NLRC5: variants seen among roughly 807,000 people sequenced by gnomAD.
The protein encoded by NLRC5 is protein NLRC5.
A neutral mutation model predicts 206.9 loss-of-function variants in NLRC5; 114 were observed. The observed-to-expected ratio is 0.55, with a 90% CI of 0.47 to 0.64. The LOEUF (loss-of-function observed/expected upper bound fraction) is 0.64, where lower values mean the gene tolerates loss of function less well. Ranked by LOEUF, NLRC5 falls within the 30% of genes least tolerant of loss-of-function variation. NLRC5 has a pLI of 0.00. For missense variants in NLRC5, 2,008 were observed against 2,305.5 expected (o/e 0.87, Z 2.64); for synonymous variants, 952 against 962.8 (o/e 0.99, Z 0.21).
At chr16:57,037,081 G>A (rs1339129368) in intron 14 of NLRC5, 114 bp from the exon 15 acceptor site, 17 of 861,140 alleles carry the variant, frequency 2.0e-5, no homozygotes, top group Non-Finnish European at 3.3e-5. Flanking sequence ...AAGGGACCTA[G>A]GACATCCAGG....
chr16:57,051,662 C>A, intron 24 of NLRC5, 41 bp downstream of exon 24: 1 of 1,533,824 alleles, frequency 6.5e-7, no homozygotes, highest in Non-Finnish European at 9.0e-7. Context: ...TCCTTGTGCT[C>A]GTGTTTCTAA....
intron 48 of NLRC5, 124 bp downstream of exon 48, chr16:57,081,734 A>C: frequency 1.3e-6 from 1 of 757,594 alleles, no homozygotes. Context: ...GACTTGGACC[A>C]CTCCACCAAG....
intron 1 of NLRC5, among the ~76,000 whole-genome samples, chr16:57,007,600 C>T (rs1316979209): frequency 6.6e-6 from 1 of 152,084 alleles, no homozygotes; most frequent in Non-Finnish European, 1.5e-5. Flanking sequence ...CATGGTGGCT[C>T]GTGCCTGTAA....
At chr16:56,994,854 A>G (rs2057409922) in intron 1 of NLRC5, among the ~76,000 whole-genome samples, 1 of 152,116 alleles carries the variant, frequency 6.6e-6, no homozygotes, top group Non-Finnish European at 1.5e-5. Flanking sequence ...ACATTTTTGC[A>G]ATTTTTGCAA....
At chr16:57,029,709 C>T in intron 8 of NLRC5, 64 bp from the exon 9 acceptor site, 3 of 1,419,080 alleles carry the variant, frequency 2.1e-6, no homozygotes, top group Admixed American at 3.5e-5. Context: ...CTGTCACTTG[C>T]TAACTGGGGC....
intron 47 of NLRC5, 139 bp from the exon 48 acceptor site, chr16:57,081,388 T>A: frequency 1.1e-6 from 1 of 925,016 alleles, no homozygotes; most frequent in Non-Finnish European, 1.7e-6. Context: ...AGTCCCCTGT[T>A]GTCTTTTGGG....
At chr16:57,003,553 G>C (rs2058550064) in intron 1 of NLRC5, among the ~76,000 whole-genome samples, 1 of 151,922 alleles carries the variant, frequency 6.6e-6, no homozygotes, top group South Asian at 2.1e-4. Context: ...TGCCTGGTGG[G>C]CATTGCCTTG....
At chr16:57,029,938 T>A (rs1567562384) in intron 9 of NLRC5, 57 bp from the exon 10 acceptor site, 2 of 1,609,390 alleles carry the variant, frequency 1.2e-6, no homozygotes, top group Non-Finnish European at 1.7e-6. Context: ...GCAAGGAAGG[T>A]CTGGGGCCCC....
intron 36 of NLRC5, 125 bp from the exon 37 acceptor site, chr16:57,069,711 A>G: frequency 1.4e-6 from 1 of 729,500 alleles, no homozygotes; most frequent in Admixed American, 2.1e-5. Context: ...TACGAAGGGA[A>G]GGAGGTCTCC....
rs751386430 is a variant in NLRC5 at position 57,077,289 on chromosome 16, C to T, written c.4836-7C>T. ...AGAAGGCTGATGAAGCTGTTTTCTC[C>T]CCCAAGCTTGAGCCACAACCAGATT... On this transcript the variant is annotated splice_region_variant and splice_polypyrimidine_tract_variant and intron_variant, in intron 40 of 48. Coordinates refer to ENST00000688547, the MANE Select transcript of NLRC5 (RefSeq NM_001384950.1). 3 of 1,613,800 alleles carry T rather than the reference C, an allele frequency of 1.9e-6. No individual in the cohort carries two copies. Among genetic ancestry groups the T allele is most frequent in the Non-Finnish European group, 2.5e-6 (3 of 1,179,746 alleles).
At chr16:57,080,098 T>A (rs932228506) in intron 46 of NLRC5, among the ~76,000 whole-genome samples, 16 of 152,156 alleles carry the variant, frequency 1.1e-4, no homozygotes, top group Non-Finnish European at 5.9e-5. Flanking sequence ...ACCTTGGGGC[T>A]TTGCAGTGCT....
At chr16:57,012,505 G>A (rs1164599407) in intron 1 of NLRC5, among the ~76,000 whole-genome samples, 2 of 152,134 alleles carry the variant, frequency 1.3e-5, no homozygotes, top group Admixed American at 6.5e-5. Flanking sequence ...GGTGGTGAGC[G>A]GCCATCGGGC....
intron 2 of NLRC5, among the ~76,000 whole-genome samples, chr16:57,018,658 G>A (rs550140424): frequency 1.3e-5 from 2 of 152,304 alleles, no homozygotes; most frequent in African/African-American, 4.8e-5. Flanking sequence ...GGGAAGGCTG[G>A]CTTCTGGGTG....
At chr16:57,029,342 C>T (rs1475519412) in intron 8 of NLRC5, among the ~76,000 whole-genome samples, 1 of 152,144 alleles carries the variant, frequency 6.6e-6, no homozygotes, top group South Asian at 2.1e-4. Context: ...GAGAGGAATG[C>T]GCTTGGCTCA....
At chr16:57,009,021 G>A (rs766140062) in intron 1 of NLRC5, among the ~76,000 whole-genome samples, 3 of 152,184 alleles carry the variant, frequency 2.0e-5, no homozygotes, top group South Asian at 2.1e-4. Flanking sequence ...GGCCGTGCAC[G>A]GTGGCTCACG....
At chr16:56,993,498 C>T (rs150190701) in intron 1 of NLRC5, among the ~76,000 whole-genome samples, 62 of 152,170 alleles carry the variant, frequency 4.1e-4, no homozygotes, top group African/African-American at 1.4e-3. Flanking sequence ...AGTGGATTTG[C>T]AAGGTCAAGG....
intron 5 of NLRC5, 86 bp downstream of exon 5, chr16:57,023,939 C>T: frequency 8.1e-7 from 1 of 1,235,942 alleles, no homozygotes; most frequent in South Asian, 1.3e-5. Context: ...TGTCCCCTGC[C>T]AATAAGCCTC....
In NLRC5 at chr16:56,996,530, A is replaced by G. The variant is rs576979241; in HGVS notation, c.-128+6913A>G. 2.6e-4 allele frequency among the ~76,000 whole-genome samples: 39 copies of G among 152,236 alleles called. No individual in the cohort carries two copies. In the East Asian group the frequency reaches 6.6e-3, roughly 26 times the overall value. On this transcript the variant is annotated intron_variant, in intron 1 of 48. Coordinates refer to ENST00000688547, the MANE Select transcript of NLRC5 (RefSeq NM_001384950.1). Reference sequence around the variant, plus strand: ...ATACCTTCAGTTCGTGGCAAGTGGTACTTCAAAAAATAAAGTTAAAAGTGA... The same window carrying G: ...ATACCTTCAGTTCGTGGCAAGTGGTGCTTCAAAAAATAAAGTTAAAAGTGA...
intron 2 of NLRC5, among the ~76,000 whole-genome samples, chr16:57,020,056 A>G (rs2060488712): frequency 6.6e-6 from 1 of 152,060 alleles, no homozygotes; most frequent in Admixed American, 6.5e-5. Context: ...CCCTGGGCAG[A>G]GACATCAAGA....
Sources: allele counts gnomAD v4.1 joint callset (sites outside exome capture counted in the v4.1 genomes callset), GRCh38; gene constraint gnomAD v4.1.1; transcripts MANE v1.5; gene names NCBI Gene and HGNC (gene_info 2026-07-23, HGNC 2026-07-21).